GPR157: variants seen among roughly 807,000 people sequenced by gnomAD.
GPR157 encodes the protein G-protein coupled receptor 157.
A neutral mutation model predicts 23.5 loss-of-function variants in GPR157; 16 were observed. The ratio of observed to expected loss-of-function variants is 0.68; its 90% CI spans 0.46 to 1.04. The LOEUF (loss-of-function observed/expected upper bound fraction) is 1.04, where lower values mean the gene tolerates loss of function less well. Among genes scored for constraint, GPR157 ranks in the 50% least tolerant of loss-of-function variants. The probability of loss-of-function intolerance (pLI) is 0.00; values close to 1 mark genes in which losing one functional copy is unlikely to be tolerated. For synonymous variants in GPR157, 200 were observed against 221.5 expected (o/e 0.90, Z 0.86); for missense variants, 440 against 460.7 (o/e 0.96, Z 0.41).
At position 9,120,917 on chromosome 1, in the gene GPR157, G is replaced by A. The variant is rs1481149203; in HGVS notation, c.383+7728C>T. ...ATTGATATTTTCAGGAGTAGTGGCC[G>A]ACATGGGGTACTATTCATGTGGCCA... is the stretch of plus-strand genomic sequence containing the variant. On this transcript the variant is annotated intron_variant, in intron 1 of 3. Coordinates refer to ENST00000377411, the MANE Select transcript of GPR157 (RefSeq NM_024980.5). This position sits in a 1 kb window ranked among gnomAD's most constrained non-coding sequence, Gnocchi z 4.1. Among the ~76,000 whole-genome samples the A allele has an allele frequency of 2.6e-5, 4 of 152,226 alleles. No individual in the cohort carries two copies. Among genetic ancestry groups the A allele is most frequent in the South Asian group, 2.1e-4 (1 of 4,836 alleles).
At position 9,105,392 on chromosome 1, in the gene GPR157, C is replaced by G; in HGVS notation, c.792+94G>C. On this transcript the variant is annotated intron_variant, in intron 3 of 3. Coordinates refer to ENST00000377411, the MANE Select transcript of GPR157 (RefSeq NM_024980.5). The surrounding 1 kb of genome is among the most constrained non-coding windows in gnomAD (Gnocchi z 4.8). ...CTCCTCCCTGCAGCTGTGCCTTGGC[C>G]GACACTGGGGTGCAGCCACTGTGCT... is the stretch of plus-strand genomic sequence containing the variant. 1.7e-6 allele frequency: 2 copies of G among 1,204,346 alleles called. No homozygotes were observed. The highest frequency in any genetic ancestry group is 3.1e-5 in the South Asian group (2 of 64,468). 74.6% of individuals were successfully genotyped at this position (1,204,346 alleles called of 1,614,324 possible).
rs1217602338 is a variant in GPR157, at chr1:9,105,067, A to ACATG, written c.792+415_792+418dup. Among the ~76,000 whole-genome samples, 7 of 142,590 alleles carry ACATG rather than the reference A, an allele frequency of 4.9e-5. No individual in the cohort carries two copies. The highest frequency in any genetic ancestry group is 1.8e-4 in the African/African-American group (7 of 38,196). The allele number at this position is 142,590 out of a possible 152,430, so 93.5% of individuals were successfully genotyped here. Reference sequence around the variant, plus strand: ...CACACACACACACACACACACACACACATGCATACACACATGCATACATGC... The same window carrying ACATG: ...CACACACACACACACACACACACACACATGCATGCATACACACATGCATACATGC... On this transcript the variant is annotated intron_variant, in intron 3 of 3. Transcript: ENST00000377411. The surrounding 1 kb of genome is among the most constrained non-coding windows in gnomAD (Gnocchi z 4.8).
At chr1:9,115,966 C>A (rs1328481096) in intron 1 of GPR157, among the ~76,000 whole-genome samples, 1 of 147,676 alleles carries the variant, frequency 6.8e-6, no homozygotes, top group Non-Finnish European at 1.5e-5. Context: ...GCTGAAAACA[C>A]TTACTTTACA....
chr1:9,122,722 A>G (rs1251466012), intron 1 of GPR157, among the ~76,000 whole-genome samples: 1 of 152,208 alleles, frequency 6.6e-6, no homozygotes, highest in Non-Finnish European at 1.5e-5. Context: ...GTACTCTTCA[A>G]AAATGTCAGT....
At chr1:9,125,603 T>C (rs1476484006) in intron 1 of GPR157, among the ~76,000 whole-genome samples, 1 of 152,204 alleles carries the variant, frequency 6.6e-6, no homozygotes, top group East Asian at 1.9e-4. Flanking sequence ...GTGTTAGCGA[T>C]GGTTTCTGTC....
Position 9,120,168 on chromosome 1 carries a change from C to T in GPR157, c.383+8477G>A, listed in dbSNP as rs1016931579. On this transcript the variant is annotated intron_variant, in intron 1 of 3. Transcript: ENST00000377411. The surrounding 1 kb of genome is among the most constrained non-coding windows in gnomAD (Gnocchi z 4.1). ...CTGGTTTTCAAAGACCCTTAGGATG[C>T]CATCCCTGCTGCCAGGAAGGGGTCA... 2.6e-5 allele frequency among the ~76,000 whole-genome samples: 4 copies of T among 152,140 alleles called. No homozygotes were observed. Among genetic ancestry groups the T allele is most frequent in the Admixed American group, 2.0e-4 (3 of 15,280 alleles).
In GPR157 at chr1:9,118,904, ACACACCTGAAGTCC is replaced by A. The variant is rs1569968949; in HGVS notation, c.384-7429_384-7416del. On this transcript the variant is annotated intron_variant, in intron 1 of 3. Transcript: ENST00000377411. The surrounding 1 kb of genome is among the most constrained non-coding windows in gnomAD (Gnocchi z 4.6). ...ACATAAATTAGCCAGGCGTGGTGGCACACACCTGAAGTCCCAGCTACCCAGGAGGCTGAGGCGGG... is the reference window on the plus strand; with the variant it reads ...ACATAAATTAGCCAGGCGTGGTGGCACAGCTACCCAGGAGGCTGAGGCGGG... Among the ~76,000 whole-genome samples, 1 of 152,098 alleles carries A rather than the reference ACACACCTGAAGTCC, an allele frequency of 6.6e-6. No individual in the cohort carries two copies. Among genetic ancestry groups the A allele is most frequent in the Non-Finnish European group, 1.5e-5 (1 of 68,006 alleles).
rs1376615623 is a variant in GPR157 at position 9,118,975 on chromosome 1, C to T, written c.384-7486G>A. ...GCTTGAACCCAGGAGGTTGAGGCTG[C>T]AGTGAGCCGTGACTGTGCCACTGCA... is the stretch of plus-strand genomic sequence containing the variant. On this transcript the variant is annotated intron_variant, in intron 1 of 3. Coordinates refer to ENST00000377411, the MANE Select transcript of GPR157 (RefSeq NM_024980.5). The surrounding 1 kb of genome is among the most constrained non-coding windows in gnomAD (Gnocchi z 4.6). 6.6e-6 allele frequency among the ~76,000 whole-genome samples: 1 copy of T among 151,494 alleles called. No homozygotes were observed. The highest frequency in any genetic ancestry group is 2.4e-5 in the African/African-American group (1 of 41,188).
At position 9,102,598 on chromosome 1, in the gene GPR157, G is replaced by C. The variant is rs190393665; in HGVS notation, c.*1821C>G. On this transcript the variant is annotated 3_prime_UTR_variant, in exon 4 of 4. Coordinates refer to ENST00000377411, the MANE Select transcript of GPR157 (RefSeq NM_024980.5). ...GTTTTGATTCAGAACCATTTTACTAGGCTCAGAAAATCATGCTTTGTCGAG... is the reference window on the plus strand; with the variant it reads ...GTTTTGATTCAGAACCATTTTACTACGCTCAGAAAATCATGCTTTGTCGAG... The C allele has an allele frequency of 6.6e-6, 1 of 152,180 alleles. No homozygotes were observed. Among genetic ancestry groups the C allele is most frequent in the Admixed American group, 6.5e-5 (1 of 15,278 alleles). The allele number at this position is 152,180 out of a possible 1,614,324, so 9.4% of individuals were successfully genotyped here. A position where few individuals can be genotyped will look rare whatever the true frequency, so the allele number is the denominator to read the frequency against.
intron 1 of GPR157, among the ~76,000 whole-genome samples, chr1:9,123,517 T>TTAAAATATATC (rs1557701060): frequency 5.2e-5 from 2 of 38,716 alleles, no homozygotes; most frequent in South Asian, 8.4e-4. Flanking sequence ...AAATATATAT[T>TTAAAATATATC]TAATTTAAAT....
Position 9,129,008 on chromosome 1 carries a change from G to A in GPR157, c.20C>T (p.Pro7Leu). The A allele has an allele frequency of 1.5e-6, 2 of 1,311,050 alleles. No homozygotes were observed. The highest frequency in any genetic ancestry group is 3.1e-5 in the East Asian group (1 of 32,094). The allele number at this position is 1,311,050 out of a possible 1,614,324, so 81.2% of individuals were successfully genotyped here. A position where few individuals can be genotyped will look rare whatever the true frequency, so the allele number is the denominator to read the frequency against. The change falls in exon 1 of 4, where the codon CCC (proline) becomes CTC (leucine). Residue 7 changes from proline to leucine, a missense_variant. By Grantham distance (98) the Pro-to-Leu change is moderately conservative. Transcript: ENST00000377411. ...GCGCTCCGACGGCACCAGCTCGGTGGGCGGCGGGGACGGCTGCATGGCGTG... is the reference window on the plus strand; with the variant it reads ...GCGCTCCGACGGCACCAGCTCGGTGAGCGGCGGGGACGGCTGCATGGCGTG... Reference protein sequence around the residue: MQPSPPPTELVPSERAV... With the variant: MQPSPPLTELVPSERAV...
chr1:9,114,326 C>CAA (rs58549365), intron 1 of GPR157, among the ~76,000 whole-genome samples: 5,883 of 103,082 alleles, frequency 0.057, 520 homozygotes, highest in East Asian at 0.18. Context: ...GAGACTGTCT[C>CAA]AAAAAAAAAA....
At chr1:9,112,897 T>C (rs998043764) in intron 1 of GPR157, among the ~76,000 whole-genome samples, 2 of 152,086 alleles carry the variant, frequency 1.3e-5, no homozygotes, top group African/African-American at 4.8e-5. Context: ...AGGCAGGTAG[T>C]GGGGTAGTTA....
intron 1 of GPR157, among the ~76,000 whole-genome samples, chr1:9,114,462 T>G (rs562786944): frequency 6.6e-6 from 1 of 152,076 alleles, no homozygotes; most frequent in Non-Finnish European, 1.5e-5. Context: ...GAGCACTGTA[T>G]GTAGGAACAG....
intron 1 of GPR157, among the ~76,000 whole-genome samples, chr1:9,115,828 C>A (rs1237750819): frequency 6.6e-6 from 1 of 151,002 alleles, no homozygotes; most frequent in Non-Finnish European, 1.5e-5. Flanking sequence ...CAAATCTGGC[C>A]CACAGTTTTT....
Position 9,104,053 on chromosome 1 carries a change from T to G in GPR157, c.*366A>C. 4.6e-6 allele frequency: 1 copy of G among 216,068 alleles called. No individual in the cohort carries two copies. The highest frequency in any genetic ancestry group is 1.0e-4 in the South Asian group (1 of 10,018). 13.4% of individuals were successfully genotyped at this position (216,068 alleles called of 1,614,324 possible). A position where few individuals can be genotyped will look rare whatever the true frequency, so the allele number is the denominator to read the frequency against. On this transcript the variant is annotated 3_prime_UTR_variant, in exon 4 of 4. Transcript: ENST00000377411. Reference sequence around the variant, plus strand: ...CTTATTTAATCACACAGAGGATAGGTGCACAGATGTGGGTCCCTCAGATTG... The same window carrying G: ...CTTATTTAATCACACAGAGGATAGGGGCACAGATGTGGGTCCCTCAGATTG...
intron 1 of GPR157, among the ~76,000 whole-genome samples, chr1:9,123,174 A>AAAATATATATATATAT (rs1553175764): frequency 8.5e-6 from 1 of 117,090 alleles, no homozygotes; most frequent in African/African-American, 3.4e-5. Context: ...AAAAAAAAAA[A>AAAATATATATATATAT]ATATATATAT....
chr1:9,121,764 T>TG (rs761572721), intron 1 of GPR157, among the ~76,000 whole-genome samples: 6 of 152,030 alleles, frequency 3.9e-5, no homozygotes, highest in African/African-American at 9.7e-5. Flanking sequence ...ATGGCAAACA[T>TG]GGGGGGTCAC....
chr1:9,106,216 C>G (rs1408101655), intron 2 of GPR157, among the ~76,000 whole-genome samples: 3 of 152,180 alleles, frequency 2.0e-5, no homozygotes, highest in African/African-American at 7.2e-5. Context: ...AACTTCAAAA[C>G]AGATCCAGAC....
Sources: allele counts gnomAD v4.1 joint callset (sites outside exome capture counted in the v4.1 genomes callset), GRCh38; gene constraint gnomAD v4.1.1; non-coding constraint Gnocchi (gnomAD v3.1); transcripts MANE v1.5; gene names NCBI Gene and HGNC (gene_info 2026-07-23, HGNC 2026-07-21).